The following SYTL5 variants were observed in gnomAD, a reference collection of about 807,000 sequenced individuals.
SYTL5 encodes synaptotagmin-like protein 5.
Under a neutral mutation model 55.9 loss-of-function variants are expected in SYTL5, and 34 were observed. The ratio of observed to expected loss-of-function variants is 0.61; its 90% CI spans 0.46 to 0.81. The LOEUF is 0.81. Ranked by LOEUF, SYTL5 falls within the 30% of genes least tolerant of loss-of-function variation. The pLI, the probability that SYTL5 is intolerant of heterozygous loss-of-function variation, is 0.00. For missense variants in SYTL5, 637 were observed against 546.7 expected (o/e 1.17, Z -1.65); for synonymous variants, 221 against 188.7 (o/e 1.17, Z -1.40).
chrX:37,918,514 CTG>C, the SYTL5 span, among the ~76,000 whole-genome samples: 1 of 112,184 alleles, frequency 8.9e-6, no homozygotes, highest in Non-Finnish European at 1.9e-5. Flanking sequence ...CATCTGAACT[CTG>C]TAGATTTATG....
chrX:37,998,462 G>A, the SYTL5 span, among the ~76,000 whole-genome samples: 3 of 111,835 alleles, frequency 2.7e-5, no homozygotes, highest in South Asian at 3.8e-4. Flanking sequence ...GCTGCTTGTC[G>A]TGCGCCTGGT....
chrX:38,020,679 T>A (rs1358727990), intron 1 of SYTL5, among the ~76,000 whole-genome samples: 2 of 109,507 alleles, frequency 1.8e-5, no homozygotes, highest in Non-Finnish European at 3.8e-5. Flanking sequence ...ATTTTGTGAA[T>A]CAAAGGGAAT....
At chrX:38,043,700 T>C (rs925136863) in intron 2 of SYTL5, among the ~76,000 whole-genome samples, 66 of 93,472 alleles carry the variant, frequency 7.1e-4, no homozygotes, top group African/African-American at 2.5e-3. Flanking sequence ...TACATATATA[T>C]ATACATATTT....
chrX:38,122,168 T>C lies in SYTL5; in HGVS notation c.1794T>C (p.Asn598=), dbSNP rs1453487440. ...AAGTGTTCATCAAAGAGGCAAAGAA[T>C]TTGACAGCAGTGAAGTCAGGAGGCA... The part of the protein sequence containing the change: ...ILEVFIKEAK[N]LTAVKSGGTS... The change falls in exon 15 of 17, where the codon AAT becomes AAC. Residue 598 remains asparagine (N), a synonymous_variant. Transcript: ENST00000297875. The C allele has an allele frequency of 8.3e-7, 1 of 1,209,075 alleles. No homozygotes were observed. The highest frequency in any genetic ancestry group is 3.0e-5 in the East Asian group (1 of 33,781).
At chrX:38,109,448 C>T (rs1937303070) in intron 12 of SYTL5, among the ~76,000 whole-genome samples, 1 of 110,521 alleles carries the variant, frequency 9.0e-6, no homozygotes, top group African/African-American at 3.3e-5. Flanking sequence ...CAGAAAGCCA[C>T]AAGCCTGCAT....
rs150629771 is a variant in SYTL5, at chrX:38,102,700, C to A, written c.1155+266C>A. On this transcript the variant is annotated intron_variant, in intron 10 of 16. Coordinates refer to ENST00000297875, the MANE Select transcript of SYTL5 (RefSeq NM_138780.3). ...CACTCCCTAGTTCAGGCTCAGTCAG[C>A]TCAAGCCTATAAATTATTTTTCAAT... is the stretch of plus-strand genomic sequence containing the variant. Among the ~76,000 whole-genome samples the A allele has an allele frequency of 3.3e-3, 369 of 111,158 alleles. 2 individuals carry two copies. Among genetic ancestry groups the A allele is most frequent in the South Asian group, 0.018 (47 of 2,605 alleles).
chrX:38,064,071 G>T (rs1288795724), intron 3 of SYTL5, among the ~76,000 whole-genome samples: 1 of 109,586 alleles, frequency 9.1e-6, no homozygotes. Flanking sequence ...ATATATATGT[G>T]TGTGTGTGTG....
intron 6 of SYTL5, among the ~76,000 whole-genome samples, chrX:38,079,489 T>C (rs188395119): frequency 1.6e-3 from 183 of 112,274 alleles, no homozygotes; most frequent in African/African-American, 5.6e-3. Context: ...ATGTAAGCTG[T>C]AGTTAATAAA....
intron 1 of SYTL5, among the ~76,000 whole-genome samples, chrX:38,007,839 A>G: frequency 9.0e-6 from 1 of 111,630 alleles, no homozygotes; most frequent in Non-Finnish European, 1.9e-5. Flanking sequence ...AATAACTGAG[A>G]AAATGTCTTA....
intron 12 of SYTL5, 40 bp downstream of exon 12, chrX:38,108,739 T>C (rs1461471853): frequency 6.9e-6 from 6 of 865,766 alleles, no homozygotes; most frequent in Non-Finnish European, 1.0e-5. Flanking sequence ...TGTGGTACTG[T>C]TCACAACTTC....
intron 8 of SYTL5, 109 bp from the exon 9 acceptor site, chrX:38,096,025 T>C: frequency 2.4e-6 from 1 of 411,911 alleles, no homozygotes; most frequent in Non-Finnish European, 4.2e-6. Flanking sequence ...CTATTTATGA[T>C]CTGTGCCTAA....
At chrX:37,938,082 T>C in the SYTL5 span, among the ~76,000 whole-genome samples, 6 of 112,362 alleles carry the variant, frequency 5.3e-5, no homozygotes, top group Non-Finnish European at 9.4e-5. Context: ...TTCAACTTTA[T>C]TTTTACTGCA....
the SYTL5 span, among the ~76,000 whole-genome samples, chrX:37,977,710 A>T: frequency 2.4e-5 from 2 of 82,954 alleles, no homozygotes; most frequent in African/African-American, 1.5e-4. Context: ...TCACACACAC[A>T]CACACACACA....
At chrX:38,055,353 C>A (rs1935753802) in intron 3 of SYTL5, among the ~76,000 whole-genome samples, 1 of 111,580 alleles carries the variant, frequency 9.0e-6, no homozygotes, top group South Asian at 3.8e-4. Flanking sequence ...TGGGTGAAAG[C>A]CAAGAGTCAT....
At chrX:37,922,298 G>T in the SYTL5 span, among the ~76,000 whole-genome samples, 1 of 111,665 alleles carries the variant, frequency 9.0e-6, no homozygotes, top group Admixed American at 9.5e-5. Context: ...TCTTAAAATG[G>T]TGTTGGATGG....
intron 1 of SYTL5, among the ~76,000 whole-genome samples, chrX:38,029,750 C>T (rs1384018590): frequency 1.1e-5 from 1 of 87,837 alleles, no homozygotes; most frequent in African/African-American, 8.6e-5. Context: ...CCAAAGATTA[C>T]TTAAGTCGTG....
At chrX:37,982,986 G>T in the SYTL5 span, among the ~76,000 whole-genome samples, 1 of 111,016 alleles carries the variant, frequency 9.0e-6, no homozygotes, top group South Asian at 3.7e-4. Context: ...TTCAGTTTCT[G>T]ATAAGTTAAC....
intron 2 of SYTL5, among the ~76,000 whole-genome samples, chrX:38,045,745 G>A (rs1935442439): frequency 8.9e-6 from 1 of 112,306 alleles, no homozygotes; most frequent in Admixed American, 9.5e-5. Flanking sequence ...CCAGTTCTCA[G>A]AGAGTTGTGA....
At chrX:38,027,987 C>A (rs928067835) in intron 1 of SYTL5, among the ~76,000 whole-genome samples, 1 of 110,383 alleles carries the variant, frequency 9.1e-6, no homozygotes, top group African/African-American at 3.3e-5. Context: ...CCATGCCTTG[C>A]TAATTTTTTG....
Sources: gnomAD v4.1 joint callset for allele counts (sites outside exome capture counted in the v4.1 genomes callset) on GRCh38, gnomAD v4.1.1 for gene constraint, MANE v1.5 for transcripts, NCBI Gene and HGNC (gene_info 2026-07-23, HGNC 2026-07-21) for gene names.